The following KCNK17 variants were observed in gnomAD, a reference collection of about 807,000 sequenced individuals.
The protein encoded by KCNK17 is potassium channel subfamily K member 17.
KCNK17 carries 27 observed loss-of-function variants against 24.6 expected under a neutral mutation model. The ratio of observed to expected loss-of-function variants is 1.10; its 90% CI spans 0.81 to 1.51. The LOEUF is 1.51. KCNK17 is among the 40% of genes most tolerant of loss of function. The probability of loss-of-function intolerance (pLI) is 0.00; values close to 1 mark genes in which losing one functional copy is unlikely to be tolerated. For synonymous variants in KCNK17, 181 were observed against 189.8 expected, an observed-to-expected ratio of 0.95 and a Z score of 0.38; for missense variants, 450 against 436.6, an observed-to-expected ratio of 1.03 and a Z score of -0.27.
intron 2 of KCNK17, among the ~76,000 whole-genome samples, 158 bp downstream of exon 2, chr6:39,310,735 C>T (rs1762118019): frequency 6.6e-6 from 1 of 152,068 alleles, no homozygotes; most frequent in East Asian, 1.9e-4. Context: ...GTAGTGAGGC[C>T]CGAGACTGCT....
chr6:39,314,178 G>A lies in KCNK17; in HGVS notation c.143C>T (p.Ala48Val), dbSNP rs1186430185. 1 of 1,558,486 alleles carries A rather than the reference G, an allele frequency of 6.4e-7. No homozygotes were observed. The highest frequency in any genetic ancestry group is 8.7e-7 in the Non-Finnish European group (1 of 1,155,826). Residue 48 changes from alanine to valine, a missense_variant, in exon 1 of 5, where the codon GCG (alanine) becomes GTG (valine). Transcript: ENST00000373231. ...CTGGAAGCTGCGGCTGGAGTCCTGC[G>A]CCGCGCGGCCCTCCAGCGTCCAGAA... ...GVFWTLEGRA[A>V]QDSSRSFQRD...
intron 4 of KCNK17, chr6:39,300,643 CT>C: frequency 9.6e-7 from 1 of 1,042,608 alleles, no homozygotes; most frequent in Admixed American, 2.1e-5. Context: ...ACTGCGCCCC[CT>C]TGGCTTTTAG....
rs142227833 is a variant in KCNK17 at position 39,304,619 on chromosome 6, C to A, written c.389G>T (p.Arg130Leu). 2.5e-6 allele frequency: 4 copies of A among 1,613,490 alleles called. No homozygotes were observed. Among genetic ancestry groups the A allele is most frequent in the East Asian group, 4.5e-5 (2 of 44,860 alleles). The change falls in exon 3 of 5, where the codon CGC becomes CTC. Residue 130 changes from arginine to leucine, a missense_variant. Transcript: ENST00000373231. ...GNLSPNTMAA[R>L]LFCIFFALVG... ...AAGGGCAAAGAAGATGCAGAAGAGG[C>A]GGGCAGCCATCGTGTTGGGGCTCAG... is the stretch of plus-strand genomic sequence containing the variant.
chr6:39,304,247 T>A (rs887355541), intron 3 of KCNK17, 116 bp from the exon 4 acceptor site: 1 of 1,034,144 alleles, frequency 9.7e-7, no homozygotes, highest in Non-Finnish European at 1.4e-6. Context: ...CTTCACCTGG[T>A]CTGTGTTCTC....
In KCNK17 at chr6:39,299,384, G is replaced by A. The variant is rs772853002; in HGVS notation, c.*43C>T. On this transcript the variant is annotated 3_prime_UTR_variant, in exon 5 of 5. Coordinates refer to ENST00000373231, the MANE Select transcript of KCNK17 (RefSeq NM_031460.4). Reference sequence around the variant, plus strand: ...TGGACATGTGCAAAGCTTAAAATCAGGGGTCTTGCTACCGAGGACGACGAC... The same window carrying A: ...TGGACATGTGCAAAGCTTAAAATCAAGGGTCTTGCTACCGAGGACGACGAC... 227 of 1,474,412 alleles carry A rather than the reference G, an allele frequency of 1.5e-4. No individual in the cohort carries two copies. Among genetic ancestry groups the A allele is most frequent in the Non-Finnish European group, 2.0e-4 (217 of 1,070,442 alleles). The allele number at this position is 1,474,412 out of a possible 1,614,324, so 91.3% of individuals were successfully genotyped here.
chr6:39,303,824 A>G, intron 4 of KCNK17, 133 bp downstream of exon 4: 1 of 974,634 alleles, frequency 1.0e-6, no homozygotes, highest in Non-Finnish European at 1.6e-6. Context: ...CGGGTAGGAC[A>G]GTGTCTCCGG....
Position 39,314,368 on chromosome 6 carries a change from G to C in KCNK17, c.-48C>G. 1 of 1,300,582 alleles carries C rather than the reference G, an allele frequency of 7.7e-7. No individual in the cohort carries two copies. The highest frequency in any genetic ancestry group is 1.0e-6 in the Non-Finnish European group (1 of 997,836). 80.6% of individuals were successfully genotyped at this position (1,300,582 alleles called of 1,614,324 possible). Reference sequence around the variant, plus strand: ...CGCCGGGAGCGGTGGACTAGGACCCGGTGGGAGGGAAGGGCCAGGCGTCCA... The same window carrying C: ...CGCCGGGAGCGGTGGACTAGGACCCCGTGGGAGGGAAGGGCCAGGCGTCCA... On this transcript the variant is annotated 5_prime_UTR_variant, in exon 1 of 5. Transcript: ENST00000373231.
intron 1 of KCNK17, among the ~76,000 whole-genome samples, chr6:39,313,680 A>T (rs34179517): frequency 6.6e-6 from 1 of 151,732 alleles, no homozygotes; most frequent in Non-Finnish European, 1.5e-5. Flanking sequence ...GGTGCGACCA[A>T]CCCCCAAGCA....
Position 39,310,924 on chromosome 6 carries a change from G to A in KCNK17, c.321C>T (p.Phe107=). ...TGGTGATGGTGGACACAGAAAAGAAGAAGGAGCCCACGAGCTCCCAGCGCC... is the reference window on the plus strand; with the variant it reads ...TGGTGATGGTGGACACAGAAAAGAAAAAGGAGCCCACGAGCTCCCAGCGCC... ...SMGRWELVGS[F]FFSVSTITTI... is the part of the protein sequence containing the mutation. The change falls in exon 2 of 5, where the codon TTC becomes TTT. Residue 107 remains phenylalanine, a synonymous_variant. Transcript: ENST00000373231. The A allele has an allele frequency of 6.3e-7, 1 of 1,591,614 alleles. No individual in the cohort carries two copies. Among genetic ancestry groups the A allele is most frequent in the Non-Finnish European group, 8.6e-7 (1 of 1,165,370 alleles).
chr6:39,309,339 A>G (rs1370361748), intron 2 of KCNK17, among the ~76,000 whole-genome samples: 1 of 152,234 alleles, frequency 6.6e-6, no homozygotes, highest in African/African-American at 2.4e-5. Context: ...AGAAAGAAAG[A>G]AAATAATAAG....
chr6:39,303,026 A>G (rs1263717790), intron 4 of KCNK17, among the ~76,000 whole-genome samples: 2 of 152,236 alleles, frequency 1.3e-5, no homozygotes, highest in African/African-American at 2.4e-5. Flanking sequence ...CAGGATTCAC[A>G]TCTTACTAGC....
rs185450120 is a variant in KCNK17 at position 39,310,688 on chromosome 6, G to A, written c.352+205C>T. On this transcript the variant is annotated intron_variant, in intron 2 of 4. Transcript: ENST00000373231. ...GAACAGTGCACATGAATCCCCTGGG[G>A]ACCTGGGTGAGATGCTGAGGCTGAG... Among the ~76,000 whole-genome samples, 56 of 152,286 alleles carry A rather than the reference G, an allele frequency of 3.7e-4. 1 individual carries two copies. The East Asian group carries it at 5.4e-3, about 15-fold the overall frequency.
intron 2 of KCNK17, among the ~76,000 whole-genome samples, chr6:39,305,271 A>G (rs1418701321): frequency 6.6e-6 from 1 of 152,194 alleles, no homozygotes; most frequent in Non-Finnish European, 1.5e-5. Context: ...CTCCTTTCAT[A>G]GGTATCAGGC....
intron 2 of KCNK17, 44 bp downstream of exon 2, chr6:39,310,849 C>T: frequency 7.6e-7 from 1 of 1,323,114 alleles, no homozygotes; most frequent in Non-Finnish European, 1.0e-6. Flanking sequence ...AGGGAGCTGC[C>T]TCCTTCCCCC....
At chr6:39,300,364 T>G in intron 4 of KCNK17, 1 of 886,252 alleles carries the variant, frequency 1.1e-6, no homozygotes, top group Non-Finnish European at 1.8e-6. Flanking sequence ...GCTCAGGCAA[T>G]CCACCTACCT....
intron 1 of KCNK17, among the ~76,000 whole-genome samples, chr6:39,312,885 T>G (rs554652726): frequency 6.6e-6 from 1 of 152,146 alleles, no homozygotes; most frequent in Non-Finnish European, 1.5e-5. Context: ...AGGTCCTTAG[T>G]AGAGATAGGC....
chr6:39,311,983 T>C (rs112821848), intron 1 of KCNK17, among the ~76,000 whole-genome samples: 1 of 152,280 alleles, frequency 6.6e-6, no homozygotes. Flanking sequence ...GTTTGTGTGC[T>C]CTGTGGCAGC....
intron 2 of KCNK17, 42 bp from the exon 3 acceptor site, chr6:39,304,697 C>T (rs962959486): frequency 1.3e-6 from 2 of 1,589,842 alleles, no homozygotes; most frequent in East Asian, 2.3e-5. Context: ...TCCAGCCCAG[C>T]CCTGTCCACT....
In KCNK17 at chr6:39,305,860, C is replaced by T. The variant is rs529222091; in HGVS notation, c.353-1205G>A. On this transcript the variant is annotated intron_variant, in intron 2 of 4. Coordinates refer to ENST00000373231, the MANE Select transcript of KCNK17 (RefSeq NM_031460.4). ...AATGCTTCCTCTATGAAGAGAGTCT[C>T]TCCTCTTTACCCACATAAATATAAA... 6.6e-5 allele frequency among the ~76,000 whole-genome samples: 10 copies of T among 152,284 alleles called. No homozygotes were observed. In the East Asian group the frequency reaches 1.9e-3, roughly 29 times the overall value.
Sources: gnomAD v4.1 joint callset for allele counts (sites outside exome capture counted in the v4.1 genomes callset) on GRCh38, gnomAD v4.1.1 for gene constraint, MANE v1.5 for transcripts, NCBI Gene and HGNC (gene_info 2026-07-23, HGNC 2026-07-21) for gene names.